MACROD2: variants seen among roughly 807,000 people sequenced by gnomAD.
MACROD2 encodes the protein mono-ADP ribosylhydrolase 2.
In MACROD2, 36 loss-of-function variants were observed where a neutral mutation model predicts 70.4. That is an observed-to-expected ratio of 0.51 (90% CI 0.39 to 0.68). The LOEUF is 0.68. Among genes scored for constraint, MACROD2 ranks in the 30% least tolerant of loss-of-function variants. The pLI is 0.00. For missense variants in MACROD2, 496 were observed against 538.4 expected (o/e 0.92, Z 0.78); for synonymous variants, 172 against 178.8 (o/e 0.96, Z 0.30).
intron 4 of MACROD2, among the ~76,000 whole-genome samples, chr20:14,549,232 G>A (rs1336045982): frequency 2.0e-5 from 3 of 152,152 alleles, no homozygotes; most frequent in Non-Finnish European, 2.9e-5. Context: ...GGCTGGGCTA[G>A]AATCTATATT....
intron 3 of MACROD2, among the ~76,000 whole-genome samples, chr20:14,101,176 T>C (rs1251627797): frequency 6.6e-6 from 1 of 151,926 alleles, no homozygotes; most frequent in Non-Finnish European, 1.5e-5. Flanking sequence ...CTCTGCCCTT[T>C]TTATTCCATT....
intron 2 of MACROD2, among the ~76,000 whole-genome samples, chr20:14,048,051 A>G (rs916193189): frequency 3.9e-5 from 6 of 152,080 alleles, no homozygotes; most frequent in African/African-American, 1.4e-4. Flanking sequence ...AAGAGTAGAA[A>G]CATTCCTATA....
At chr20:15,367,566 C>CT (rs2045429054) in intron 6 of MACROD2, among the ~76,000 whole-genome samples, 1 of 152,122 alleles carries the variant, frequency 6.6e-6, no homozygotes, top group Admixed American at 6.5e-5. Context: ...ATGTACTCTT[C>CT]AAAGATTTCT....
At chr20:15,570,609 C>T (rs1333018548) in intron 8 of MACROD2, among the ~76,000 whole-genome samples, 1 of 152,236 alleles carries the variant, frequency 6.6e-6, no homozygotes, top group African/African-American at 2.4e-5. Flanking sequence ...TTGGCACTCA[C>T]ACTTTTTCTT....
chr20:16,031,359 G>A lies in MACROD2; in HGVS notation c.1154-9842G>A, dbSNP rs183434101. 4.1e-4 allele frequency among the ~76,000 whole-genome samples: 62 copies of A among 152,150 alleles called. No individual in the cohort carries two copies. In the East Asian group the frequency reaches 6.0e-3, roughly 15 times the overall value. The stretch of plus-strand genomic sequence containing the variant: ...TGGAGATTGCGGAGAAATCATTATC[G>A]TTATCATTATCATGCTCTAAGTGAT... On this transcript the variant is annotated intron_variant, in intron 15 of 17. Coordinates refer to ENST00000684519, the MANE Select transcript of MACROD2 (RefSeq NM_001351661.2).
chr20:15,419,432 G>A (rs1392244830), intron 6 of MACROD2, among the ~76,000 whole-genome samples: 9 of 152,136 alleles, frequency 5.9e-5, no homozygotes, highest in South Asian at 4.1e-4. Flanking sequence ...GAAGGATGAG[G>A]CACCAACTGT....
At chr20:15,093,884 T>G (rs866438977) in intron 5 of MACROD2, among the ~76,000 whole-genome samples, 1 of 152,210 alleles carries the variant, frequency 6.6e-6, no homozygotes, top group South Asian at 2.1e-4. Context: ...AGGAAAAAAC[T>G]TTTTTACAGA....
chr20:15,569,706 T>A (rs1734228594), intron 8 of MACROD2, among the ~76,000 whole-genome samples: 1 of 152,228 alleles, frequency 6.6e-6, no homozygotes, highest in African/African-American at 2.4e-5. Flanking sequence ...TAGCTATATT[T>A]TGAAGTGGTA....
intron 6 of MACROD2, among the ~76,000 whole-genome samples, chr20:15,263,395 G>A (rs888567079): frequency 6.6e-6 from 1 of 151,898 alleles, no homozygotes; most frequent in Non-Finnish European, 1.5e-5. Context: ...CTATGTGCCT[G>A]TTTTTATGCC....
intron 5 of MACROD2, among the ~76,000 whole-genome samples, chr20:15,119,821 T>G (rs2076017717): frequency 6.6e-6 from 1 of 152,252 alleles, no homozygotes. Context: ...ATATGCAGAC[T>G]AATGCAAATT....
At chr20:15,831,788 A>C (rs1254076218) in intron 8 of MACROD2, among the ~76,000 whole-genome samples, 1 of 152,152 alleles carries the variant, frequency 6.6e-6, no homozygotes, top group Non-Finnish European at 1.5e-5. Context: ...CCTCTGAACT[A>C]TCAGGTGCTG....
intron 5 of MACROD2, chr20:14,850,127 C>A: frequency 2.5e-6 from 1 of 394,618 alleles, no homozygotes; most frequent in Non-Finnish European, 5.0e-6. Flanking sequence ...AGTTTGAAAG[C>A]TTTGGGGGTC....
At chr20:14,561,611 A>C (rs1418410648) in intron 4 of MACROD2, among the ~76,000 whole-genome samples, 1 of 151,762 alleles carries the variant, frequency 6.6e-6, no homozygotes, top group Non-Finnish European at 1.5e-5. Flanking sequence ...TCTAATAGCT[A>C]AGAGGTATAA....
intron 5 of MACROD2, among the ~76,000 whole-genome samples, chr20:14,725,118 GT>G (rs1780566194): frequency 6.6e-6 from 1 of 152,054 alleles, no homozygotes; most frequent in Non-Finnish European, 1.5e-5. Context: ...CAAATCCTAG[GT>G]TTTTGGCTTG....
chr20:15,372,322 T>C (rs1016770708), intron 6 of MACROD2, among the ~76,000 whole-genome samples: 1 of 152,232 alleles, frequency 6.6e-6, no homozygotes, highest in Non-Finnish European at 1.5e-5. Context: ...GCTGTACCTG[T>C]TTACATTCTC....
At chr20:14,055,831 A>C (rs915400355) in intron 2 of MACROD2, among the ~76,000 whole-genome samples, 3 of 151,826 alleles carry the variant, frequency 2.0e-5, no homozygotes, top group Non-Finnish European at 4.4e-5. Flanking sequence ...GTGTTCTATA[A>C]CTTCTAGAGG....
intron 15 of MACROD2, among the ~76,000 whole-genome samples, chr20:16,000,665 G>A (rs980974557): frequency 5.9e-5 from 9 of 152,088 alleles, no homozygotes; most frequent in Non-Finnish European, 1.2e-4. Flanking sequence ...ACTTTCCCGC[G>A]AACTGATCTT....
intron 4 of MACROD2, among the ~76,000 whole-genome samples, chr20:14,672,804 T>A (rs377015793): frequency 1.3e-3 from 191 of 152,296 alleles, no homozygotes; most frequent in African/African-American, 4.2e-3. Flanking sequence ...TCAGTACAAA[T>A]ATTTTGAACA....
chr20:14,275,813 C>T (rs976618632), intron 3 of MACROD2, among the ~76,000 whole-genome samples: 6 of 151,872 alleles, frequency 4.0e-5, no homozygotes, highest in African/African-American at 9.7e-5. Context: ...AACAAGTGGG[C>T]GAAGGACATG....
Sources: gnomAD v4.1 joint callset for allele counts (sites outside exome capture counted in the v4.1 genomes callset) on GRCh38, gnomAD v4.1.1 for gene constraint, MANE v1.5 for transcripts, NCBI Gene and HGNC (gene_info 2026-07-23, HGNC 2026-07-21) for gene names.